The following MEI4 variants were observed in gnomAD, a reference collection of about 807,000 sequenced individuals.
MEI4 encodes the protein meiosis-specific protein MEI4.
MEI4 carries 27 observed loss-of-function variants against 31.4 expected under a neutral mutation model. The ratio of observed to expected loss-of-function variants is 0.86; its 90% confidence interval spans 0.63 to 1.19. MEI4 has a LOEUF of 1.19. Among genes scored for constraint, MEI4 ranks in the 50% most tolerant of loss-of-function variants. The probability of loss-of-function intolerance (pLI) is 0.00; values close to 1 mark genes in which losing one functional copy is unlikely to be tolerated. For missense variants in MEI4, 329 were observed against 398.9 expected, an observed-to-expected ratio of 0.82 and a Z score of 1.49; for synonymous variants, 122 against 145.4, an observed-to-expected ratio of 0.84 and a Z score of 1.16.
At chr6:77,808,123 A>T (rs193095804) in intron 3 of MEI4, among the ~76,000 whole-genome samples, 6 of 152,184 alleles carry the variant, frequency 3.9e-5, no homozygotes, top group Admixed American at 1.3e-4. Context: ...TGTTAATAGC[A>T]CTCCATTTCA....
At chr6:77,764,266 CATA>C (rs1768113619) in intron 3 of MEI4, among the ~76,000 whole-genome samples, 4 of 152,244 alleles carry the variant, frequency 2.6e-5, no homozygotes, top group Admixed American at 1.3e-4. Flanking sequence ...TATAATTGTT[CATA>C]ATACTTCCCT....
intron 1 of MEI4, among the ~76,000 whole-genome samples, chr6:77,654,078 A>G (rs903271262): frequency 3.3e-5 from 5 of 152,238 alleles, no homozygotes; most frequent in African/African-American, 1.2e-4. Flanking sequence ...TGCAAAAGCA[A>G]TGATACATGA....
At chr6:77,858,207 CTT>C (rs1201277630) in intron 4 of MEI4, among the ~76,000 whole-genome samples, 3 of 152,020 alleles carry the variant, frequency 2.0e-5, no homozygotes, top group Admixed American at 6.6e-5. Context: ...AATAATTTGA[CTT>C]TGTTTTCCAT....
intron 4 of MEI4, among the ~76,000 whole-genome samples, chr6:77,910,958 G>T (rs1766421969): frequency 1.5e-5 from 2 of 132,144 alleles, no homozygotes; most frequent in African/African-American, 2.9e-5. Flanking sequence ...CTTAATCATA[G>T]CCATTCTAAC....
chr6:77,718,430 C>G (rs1418845606), intron 2 of MEI4, among the ~76,000 whole-genome samples: 4 of 147,644 alleles, frequency 2.7e-5, no homozygotes, highest in African/African-American at 5.1e-5. Flanking sequence ...ATTCCACAAT[C>G]TTGTAGAATT....
chr6:77,654,945 A>G (rs1768365672), intron 1 of MEI4, among the ~76,000 whole-genome samples: 1 of 151,912 alleles, frequency 6.6e-6, no homozygotes. Flanking sequence ...AAGTTCTGGT[A>G]TACATGTGCA....
chr6:77,817,631 TTTA>T (rs1480969891), intron 3 of MEI4, among the ~76,000 whole-genome samples: 2 of 152,112 alleles, frequency 1.3e-5, no homozygotes, highest in African/African-American at 4.8e-5. Flanking sequence ...ATTTGTATTT[TTTA>T]TTTTTACTAT....
At chr6:77,671,801 T>G (rs984815177) in intron 1 of MEI4, among the ~76,000 whole-genome samples, 1 of 152,168 alleles carries the variant, frequency 6.6e-6, no homozygotes, top group Non-Finnish European at 1.5e-5. Context: ...AATTCAGATG[T>G]GTTTAGGACC....
chr6:77,855,215 G>A (rs781704589), intron 4 of MEI4, among the ~76,000 whole-genome samples: 3 of 152,032 alleles, frequency 2.0e-5, no homozygotes, highest in Non-Finnish European at 4.4e-5. Flanking sequence ...CATGGTGGTG[G>A]GTGCCTGTAA....
intron 2 of MEI4, among the ~76,000 whole-genome samples, chr6:77,711,134 T>G (rs2127659909): frequency 6.6e-6 from 1 of 152,174 alleles, no homozygotes; most frequent in South Asian, 2.1e-4. Flanking sequence ...AGTCAAAGGG[T>G]TTCAGTTAGG....
At chr6:77,782,612 G>A (rs1331521352) in intron 3 of MEI4, among the ~76,000 whole-genome samples, 1 of 152,094 alleles carries the variant, frequency 6.6e-6, no homozygotes, top group Non-Finnish European at 1.5e-5. Flanking sequence ...GAAGTCACAT[G>A]TTACTTTTAA....
intron 4 of MEI4, among the ~76,000 whole-genome samples, chr6:77,913,903 G>A (rs533520788): frequency 6.6e-5 from 10 of 151,416 alleles, no homozygotes; most frequent in South Asian, 6.3e-4. Context: ...GTGTGGTGGC[G>A]GGCACCTGTA....
intron 4 of MEI4, among the ~76,000 whole-genome samples, chr6:77,888,784 G>C (rs1457092837): frequency 6.6e-6 from 1 of 152,054 alleles, no homozygotes; most frequent in African/African-American, 2.4e-5. Flanking sequence ...ATCTTGAATT[G>C]TAGTTCCCAC....
Position 77,847,021 on chromosome 6 carries a change from G to A in MEI4, c.900+17959G>A, listed in dbSNP as rs953714489. 6.6e-6 allele frequency among the ~76,000 whole-genome samples: 1 copy of A among 152,018 alleles called. No homozygotes were observed. The highest frequency in any genetic ancestry group is 1.5e-5 in the Non-Finnish European group (1 of 68,012). On this transcript the variant is annotated intron_variant, in intron 4 of 4. Coordinates refer to ENST00000684080, the MANE Select transcript of MEI4 (RefSeq NM_001322247.2). This position sits in a 1 kb window ranked among gnomAD's most constrained non-coding sequence, Gnocchi z 4.6. Reference sequence around the variant, plus strand: ...GAGAAACTGAAGGATTTTGTGTTGGGGAAATAATGTTTAACAACAATGACT... The same window carrying A: ...GAGAAACTGAAGGATTTTGTGTTGGAGAAATAATGTTTAACAACAATGACT...
Position 77,923,891 on chromosome 6 carries a change from T to TTTTA in MEI4, c.*553_*556dup, listed in dbSNP as rs1172648164. On this transcript the variant is annotated 3_prime_UTR_variant, in exon 5 of 5. Coordinates refer to ENST00000684080, the MANE Select transcript of MEI4 (RefSeq NM_001322247.2). Reference sequence around the variant, plus strand: ...TTTAACATTTGGAAACTTAATTGCTTTTTATTTATTTCAATTTCATATGGC... The same window carrying TTTTA: ...TTTAACATTTGGAAACTTAATTGCTTTTTATTTATTTATTTCAATTTCATATGGC... 1 of 151,776 alleles carries TTTTA rather than the reference T, an allele frequency of 6.6e-6. No homozygotes were observed. Among genetic ancestry groups the TTTTA allele is most frequent in the Admixed American group, 6.6e-5 (1 of 15,164 alleles). 9.4% of individuals were successfully genotyped at this position (151,776 alleles called of 1,614,324 possible).
At chr6:77,894,467 A>T (rs1766040039) in intron 4 of MEI4, among the ~76,000 whole-genome samples, 1 of 152,028 alleles carries the variant, frequency 6.6e-6, no homozygotes, top group South Asian at 2.1e-4. Context: ...TCTTCTTTTC[A>T]TTTGTTGTGC....
In MEI4 at chr6:77,897,311, G is replaced by T. The variant is rs1403192874; in HGVS notation, c.901-25778G>T. Among the ~76,000 whole-genome samples the T allele has an allele frequency of 3.3e-5, 5 of 152,070 alleles. No individual in the cohort carries two copies. In the East Asian group the frequency reaches 7.7e-4, roughly 24 times the overall value. On this transcript the variant is annotated intron_variant, in intron 4 of 4. Coordinates refer to ENST00000684080, the MANE Select transcript of MEI4 (RefSeq NM_001322247.2). The stretch of plus-strand genomic sequence containing the variant: ...TTATTGGGAGTTTCAGTAGATGTTT[G>T]TGTCAGACAAATACAAATCATCCTT...
intron 1 of MEI4, among the ~76,000 whole-genome samples, chr6:77,653,870 C>G (rs1768341968): frequency 6.6e-6 from 1 of 152,054 alleles, no homozygotes; most frequent in South Asian, 2.1e-4. Context: ...TGGTTTGTAA[C>G]TAAGGAATTC....
At chr6:77,684,759 T>C (rs1272700625) in intron 1 of MEI4, among the ~76,000 whole-genome samples, 1 of 152,240 alleles carries the variant, frequency 6.6e-6, no homozygotes, top group Non-Finnish European at 1.5e-5. Context: ...AATCTGTTGA[T>C]ACACAATTAG....
Sources: allele counts gnomAD v4.1 joint callset (sites outside exome capture counted in the v4.1 genomes callset), GRCh38; gene constraint gnomAD v4.1.1; non-coding constraint Gnocchi (gnomAD v3.1); transcripts MANE v1.5; gene names NCBI Gene and HGNC (gene_info 2026-07-23, HGNC 2026-07-21).